Variants in COL24A1 observed in about 807,000 individuals in gnomAD.
The protein encoded by COL24A1 is collagen type XXIV alpha 1 chain.
In COL24A1, 224 loss-of-function variants were observed where a neutral mutation model predicts 253.9. That is an observed-to-expected ratio of 0.88 (90% CI 0.79 to 0.99). COL24A1 has a LOEUF of 0.99. COL24A1 is among the 50% of genes least tolerant of loss of function. The probability of loss-of-function intolerance (pLI) is 0.00; values close to 1 mark genes in which losing one functional copy is unlikely to be tolerated. For synonymous variants in COL24A1, 685 were observed against 673.7 expected, an observed-to-expected ratio of 1.02 and a Z score of -0.26; for missense variants, 2,131 against 2,068.5, an observed-to-expected ratio of 1.03 and a Z score of -0.59.
intron 19 of COL24A1, among the ~76,000 whole-genome samples, chr1:85,992,113 C>T (rs532847721): frequency 6.6e-6 from 1 of 152,032 alleles, no homozygotes; most frequent in South Asian, 2.1e-4. Flanking sequence ...TGATGTTCCC[C>T]TTCCTGTGTC....
intron 8 of COL24A1, 73 bp downstream of exon 8, chr1:86,063,642 T>C (rs1247529816): frequency 2.7e-6 from 3 of 1,102,448 alleles, no homozygotes; most frequent in Admixed American, 2.8e-5. Flanking sequence ...TGGGGGAAAA[T>C]AATCTCTCAA....
intron 7 of COL24A1, among the ~76,000 whole-genome samples, chr1:86,073,534 G>C (rs543429081): frequency 6.6e-6 from 1 of 152,208 alleles, no homozygotes; most frequent in Non-Finnish European, 1.5e-5. Flanking sequence ...ATGCAACCAA[G>C]TTGGAAAACA....
chr1:86,026,135 T>C (rs1378878065), intron 14 of COL24A1, among the ~76,000 whole-genome samples: 1 of 152,244 alleles, frequency 6.6e-6, no homozygotes, highest in Non-Finnish European at 1.5e-5. Context: ...GGTGCTCACA[T>C]TGTTTTAATT....
chr1:85,943,013 C>T (rs1217778889), intron 24 of COL24A1, among the ~76,000 whole-genome samples: 1 of 152,186 alleles, frequency 6.6e-6, no homozygotes, highest in Non-Finnish European at 1.5e-5. Flanking sequence ...GAGTGGACTA[C>T]TAGCTGGAGA....
At chr1:86,024,755 A>G (rs567022397) in intron 14 of COL24A1, among the ~76,000 whole-genome samples, 183 of 152,298 alleles carry the variant, frequency 1.2e-3, no homozygotes, top group Non-Finnish European at 2.4e-3. Context: ...ATAGGTTAGA[A>G]AAATACAAAA....
Position 86,089,121 on chromosome 1 carries a change from C to CA in COL24A1, c.1707+52dup, listed in dbSNP as rs1367437869. On this transcript the variant is annotated intron_variant, in intron 7 of 59. Transcript: ENST00000370571. ...GAACAGGTATCCCTGAAGAAAAAGA[C>CA]AAAAAAAAGAAAAAAAGAAGAAAAA... is the stretch of plus-strand genomic sequence containing the variant. 806 of 1,369,220 alleles carry CA rather than the reference C, an allele frequency of 5.9e-4. 2 individuals are homozygous for CA. The highest frequency in any genetic ancestry group is 1.5e-3 in the African/African-American group (93 of 60,444). The allele number at this position is 1,369,220 out of a possible 1,614,324, so 84.8% of individuals were successfully genotyped here.
chr1:86,136,544 A>C (rs1650279832), intron 2 of COL24A1, among the ~76,000 whole-genome samples: 1 of 152,086 alleles, frequency 6.6e-6, no homozygotes, highest in African/African-American at 2.4e-5. Flanking sequence ...TCAACTTTAT[A>C]CTTAAAGTCT....
chr1:86,002,119 A>C (rs1330982848), intron 19 of COL24A1, among the ~76,000 whole-genome samples: 1 of 152,242 alleles, frequency 6.6e-6, no homozygotes, highest in Non-Finnish European at 1.5e-5. Context: ...AGGAGCATAA[A>C]AGGCAGAGAT....
intron 31 of COL24A1, among the ~76,000 whole-genome samples, chr1:85,892,787 A>G (rs932599394): frequency 6.6e-6 from 1 of 152,136 alleles, no homozygotes; most frequent in Admixed American, 6.5e-5. Flanking sequence ...TACATAAAAT[A>G]CTTATTTTGT....
intron 32 of COL24A1, among the ~76,000 whole-genome samples, chr1:85,878,192 CA>C (rs1052696428): frequency 5.9e-5 from 9 of 152,066 alleles, no homozygotes; most frequent in South Asian, 2.1e-4. Context: ...GCTTATAAAC[CA>C]CACAAATTTA....
chr1:85,738,129 T>A (rs1469036151), intron 57 of COL24A1, among the ~76,000 whole-genome samples: 1 of 152,162 alleles, frequency 6.6e-6, no homozygotes, highest in Non-Finnish European at 1.5e-5. Context: ...GCTCAGCAAC[T>A]AAAAGTGAAT....
chr1:85,783,631 C>T, intron 50 of COL24A1, 73 bp from the exon 51 acceptor site: 1 of 1,336,038 alleles, frequency 7.5e-7, no homozygotes, highest in Non-Finnish European at 1.1e-6. Context: ...CTATATAAAT[C>T]TATCAAGAAT....
intron 20 of COL24A1, among the ~76,000 whole-genome samples, chr1:85,975,810 G>T (rs998218518): frequency 1.3e-5 from 2 of 152,180 alleles, no homozygotes; most frequent in African/African-American, 2.4e-5. Context: ...AAGTGTGTGA[G>T]GGGGAACACC....
intron 11 of COL24A1, 74 bp from the exon 12 acceptor site, chr1:86,046,943 T>C: frequency 3.5e-6 from 3 of 862,948 alleles, no homozygotes; most frequent in South Asian, 1.4e-5. Flanking sequence ...TTTCTCCCAA[T>C]ATAAAGCAAT....
At chr1:86,112,051 C>T (rs1705668809) in intron 5 of COL24A1, among the ~76,000 whole-genome samples, 1 of 152,154 alleles carries the variant, frequency 6.6e-6, no homozygotes, top group Non-Finnish European at 1.5e-5. Flanking sequence ...CAATTCCGGA[C>T]ACAATATGAC....
intron 39 of COL24A1, among the ~76,000 whole-genome samples, chr1:85,843,302 G>C (rs960860474): frequency 6.6e-6 from 1 of 152,042 alleles, no homozygotes; most frequent in African/African-American, 2.4e-5. Flanking sequence ...AGTAAATTTA[G>C]ACTCATCCAG....
chr1:86,077,869 G>A lies in COL24A1; in HGVS notation c.1707+11305C>T, dbSNP rs552721259. On this transcript the variant is annotated intron_variant, in intron 7 of 59. Transcript: ENST00000370571. ...GGGGGCTGGGGAGGGCTAGCATTAG[G>A]AGAAATACCTAATGCAGATGACAGG... Among the ~76,000 whole-genome samples the A allele has an allele frequency of 3.5e-3, 540 of 152,224 alleles. 1 individual carries two copies. Among genetic ancestry groups the A allele is most frequent in the Non-Finnish European group, 6.5e-3 (441 of 68,008 alleles).
intron 37 of COL24A1, among the ~76,000 whole-genome samples, chr1:85,855,772 G>A (rs1044642548): frequency 2.4e-4 from 37 of 152,262 alleles, no homozygotes; most frequent in African/African-American, 8.2e-4. Flanking sequence ...AGTAGGATTG[G>A]TACCAGCTCT....
At chr1:85,788,247 C>T (rs890968366) in intron 47 of COL24A1, among the ~76,000 whole-genome samples, 1 of 152,074 alleles carries the variant, frequency 6.6e-6, no homozygotes. Context: ...CCTGCCACTA[C>T]ATCCAGCTAA....
Sources: allele counts gnomAD v4.1 joint callset (sites outside exome capture counted in the v4.1 genomes callset), GRCh38; gene constraint gnomAD v4.1.1; transcripts MANE v1.5; gene names NCBI Gene and HGNC (gene_info 2026-07-23, HGNC 2026-07-21).